RBFOX3: variants seen among roughly 807,000 people sequenced by gnomAD.
RBFOX3 encodes the protein RNA binding fox-1 homolog 3, also known as RNA binding protein fox-1 homolog 3.
RBFOX3 carries 17 observed loss-of-function variants against 48.7 expected under a neutral mutation model. That is an observed-to-expected ratio of 0.35 (90% CI 0.24 to 0.52). The LOEUF (loss-of-function observed/expected upper bound fraction) is 0.52, where lower values mean the gene tolerates loss of function less well. Among genes scored for constraint, RBFOX3 ranks in the 20% least tolerant of loss-of-function variants. The pLI, the probability that RBFOX3 is intolerant of heterozygous loss-of-function variation, is 0.94. For synonymous variants in RBFOX3, 212 were observed against 209.5 expected, an observed-to-expected ratio of 1.01 and a Z score of -0.10; for missense variants, 382 against 497.5, an observed-to-expected ratio of 0.77 and a Z score of 2.21.
At chr17:79,498,731 C>A (rs1345538623) in intron 1 of RBFOX3, among the ~76,000 whole-genome samples, 3 of 151,718 alleles carry the variant, frequency 2.0e-5, no homozygotes, top group African/African-American at 7.3e-5. Flanking sequence ...CCCACCCCAT[C>A]TACCCATTCA....
rs958090443 is a variant in RBFOX3 at position 79,373,059 on chromosome 17, G to T, written c.-174-65235C>A. Reference sequence around the variant, plus strand: ...CTCCTCGGAAGAGGAAGCTCACGTCGCCTCTCAGCAGGTGGGGCAGAGGCC... The same window carrying T: ...CTCCTCGGAAGAGGAAGCTCACGTCTCCTCTCAGCAGGTGGGGCAGAGGCC... On this transcript the variant is annotated intron_variant, in intron 2 of 14. Coordinates refer to ENST00000693108, the MANE Select transcript of RBFOX3 (RefSeq NM_001350451.2). Among the ~76,000 whole-genome samples the T allele has an allele frequency of 1.8e-4, 27 of 152,154 alleles. 1 individual carries two copies.
rs569113937 is a variant in RBFOX3 at position 79,228,829 on chromosome 17, G to A, written c.-34+6937C>T. Among the ~76,000 whole-genome samples, 9 of 152,286 alleles carry A rather than the reference G, an allele frequency of 5.9e-5. No individual in the cohort carries two copies. In the East Asian group the frequency reaches 9.6e-4, roughly 16 times the overall value. ...CCAAACACGTGTGCGCATACCAAGC[G>A]CTCCTGCCACCTGACTCATTACAAA... On this transcript the variant is annotated intron_variant, in intron 4 of 14. Transcript: ENST00000693108.
intron 4 of RBFOX3, among the ~76,000 whole-genome samples, chr17:79,145,074 C>T (rs567093829): frequency 2.3e-4 from 35 of 152,206 alleles, no homozygotes; most frequent in African/African-American, 7.5e-4. Flanking sequence ...ACAGGGTGTG[C>T]GGGGTCCTTA....
intron 4 of RBFOX3, among the ~76,000 whole-genome samples, chr17:79,151,074 C>T (rs532408892): frequency 6.6e-6 from 1 of 152,184 alleles, no homozygotes; most frequent in African/African-American, 2.4e-5. Context: ...CTCCACCATG[C>T]TGGGCCCTGG....
the RBFOX3 span, among the ~76,000 whole-genome samples, chr17:79,633,424 G>A: frequency 1.3e-5 from 2 of 152,252 alleles, no homozygotes; most frequent in East Asian, 3.8e-4. Flanking sequence ...CACAGAACGC[G>A]TGTCCACCGT....
At chr17:79,415,381 A>G (rs1598595521) in intron 2 of RBFOX3, among the ~76,000 whole-genome samples, 1 of 150,520 alleles carries the variant, frequency 6.6e-6, no homozygotes, top group Non-Finnish European at 1.5e-5. Context: ...GGGTCAGAGT[A>G]CCTCCCCTCC....
intron 5 of RBFOX3, among the ~76,000 whole-genome samples, chr17:79,109,815 G>A (rs968971558): frequency 1.3e-5 from 2 of 152,214 alleles, no homozygotes; most frequent in African/African-American, 4.8e-5. Context: ...AGGCGCTGGG[G>A]CATCCACCCC....
rs540151705 is a variant in RBFOX3 at position 79,439,939 on chromosome 17, C to T, written c.-175+42515G>A. Among the ~76,000 whole-genome samples, 154 of 152,252 alleles carry T rather than the reference C, an allele frequency of 1.0e-3. 5 individuals are homozygous for T. Among genetic ancestry groups the T allele is most frequent in the East Asian group, 5.8e-4 (3 of 5,158 alleles). ...GTAGGAGAAGGCACACATGTGCAGA[C>T]GGGAAAATAGGAGAGGCGTCAGAGA... On this transcript the variant is annotated intron_variant, in intron 2 of 14. Coordinates refer to ENST00000693108, the MANE Select transcript of RBFOX3 (RefSeq NM_001350451.2).
intron 1 of RBFOX3, among the ~76,000 whole-genome samples, chr17:79,536,196 C>G (rs2088710687): frequency 6.6e-6 from 1 of 152,228 alleles, no homozygotes; most frequent in African/African-American, 2.4e-5. Context: ...CCTGCCTCAG[C>G]CTCCCAAGTA....
chr17:79,136,949 C>T (rs1360838151), intron 4 of RBFOX3, among the ~76,000 whole-genome samples: 1 of 152,218 alleles, frequency 6.6e-6, no homozygotes, highest in South Asian at 2.1e-4. Flanking sequence ...ATCCCAGGGG[C>T]GTGGGGACAG....
chr17:79,207,870 A>G (rs532694701), intron 4 of RBFOX3, among the ~76,000 whole-genome samples: 2 of 152,262 alleles, frequency 1.3e-5, no homozygotes, highest in African/African-American at 4.8e-5. Context: ...GCGGCCAGCC[A>G]GTCTTGCCCC....
chr17:79,640,466 A>C, the RBFOX3 span, among the ~76,000 whole-genome samples: 1 of 152,188 alleles, frequency 6.6e-6, no homozygotes, highest in Non-Finnish European at 1.5e-5. Flanking sequence ...ATAATCCCAA[A>C]ATTTGTATGG....
At chr17:79,556,829 G>A (rs1015137944) in intron 1 of RBFOX3, among the ~76,000 whole-genome samples, 15 of 152,178 alleles carry the variant, frequency 9.9e-5, no homozygotes, top group African/African-American at 3.6e-4. Flanking sequence ...GCGTGGGGAA[G>A]GGGACAGAAT....
chr17:79,323,217 C>T (rs1207109437), intron 2 of RBFOX3, among the ~76,000 whole-genome samples: 1 of 152,194 alleles, frequency 6.6e-6, no homozygotes, highest in Non-Finnish European at 1.5e-5. Flanking sequence ...CACTGGCATG[C>T]AACAGGAGCA....
intron 1 of RBFOX3, among the ~76,000 whole-genome samples, chr17:79,547,471 C>CAA (rs150736551): frequency 6.6e-6 from 1 of 152,018 alleles, no homozygotes; most frequent in African/African-American, 2.4e-5. Context: ...AAAACAAAAA[C>CAA]AAAAAAACTG....
rs529733866 is a variant in RBFOX3 at position 79,457,016 on chromosome 17, T to A, written c.-175+25438A>T. ...AGGCAGAGGTACAGGCATAGGTATATTGATAGAGAAGATAATGAGATAGGT... is the reference window on the plus strand; with the variant it reads ...AGGCAGAGGTACAGGCATAGGTATAATGATAGAGAAGATAATGAGATAGGT... On this transcript the variant is annotated intron_variant, in intron 2 of 14. Coordinates refer to ENST00000693108, the MANE Select transcript of RBFOX3 (RefSeq NM_001350451.2). Among the ~76,000 whole-genome samples the A allele has an allele frequency of 3.3e-5, 5 of 152,300 alleles. No homozygotes were observed. The East Asian group carries it at 5.8e-4, about 18-fold the overall frequency.
intron 5 of RBFOX3, among the ~76,000 whole-genome samples, chr17:79,110,653 C>T (rs2146819859): frequency 6.6e-6 from 1 of 152,380 alleles, no homozygotes; most frequent in South Asian, 2.1e-4. Flanking sequence ...AGGAGGGGTT[C>T]TCTGCGTGTG....
At chr17:79,183,423 T>G (rs1182068308) in intron 4 of RBFOX3, 2 of 151,604 alleles carry the variant, frequency 1.3e-5, no homozygotes, top group Admixed American at 1.3e-4. Flanking sequence ...TCCCTCGGAG[T>G]GTGCGCGCGC....
intron 6 of RBFOX3, among the ~76,000 whole-genome samples, 154 bp from the exon 7 acceptor site, chr17:79,104,280 C>T (rs1289898450): frequency 6.6e-6 from 1 of 152,198 alleles, no homozygotes; most frequent in East Asian, 1.9e-4. Context: ...CCCCTCCCAC[C>T]CCTGGCCATG....
Sources: gnomAD v4.1 joint callset for allele counts (sites outside exome capture counted in the v4.1 genomes callset) on GRCh38, gnomAD v4.1.1 for gene constraint, MANE v1.5 for transcripts, NCBI Gene and HGNC (gene_info 2026-07-23, HGNC 2026-07-21) for gene names.